Variants in SIPA1L1 observed in about 807,000 individuals in gnomAD.
The protein encoded by SIPA1L1 is signal-induced proliferation-associated 1-like protein 1.
A neutral mutation model predicts 162.7 loss-of-function variants in SIPA1L1; 26 were observed. The ratio of observed to expected loss-of-function variants is 0.16; its 90% CI spans 0.12 to 0.22. SIPA1L1 has a LOEUF of 0.22. SIPA1L1 is among the 10% of genes least tolerant of loss of function. SIPA1L1 has a pLI of 1.00. For synonymous variants in SIPA1L1, 829 were observed against 837.4 expected, an observed-to-expected ratio of 0.99 and a Z score of 0.17; for missense variants, 1,874 against 2,241.0, an observed-to-expected ratio of 0.84 and a Z score of 3.31.
chr14:71,396,888 G>T (rs1227247167), intron 2 of SIPA1L1, among the ~76,000 whole-genome samples: 1 of 152,182 alleles, frequency 6.6e-6, no homozygotes, highest in East Asian at 1.9e-4. Context: ...TCATTATGGA[G>T]AATCTTGAGT....
chr14:71,608,411 A>C (rs899634968), intron 5 of SIPA1L1, among the ~76,000 whole-genome samples: 1 of 152,162 alleles, frequency 6.6e-6, no homozygotes, highest in Non-Finnish European at 1.5e-5. Context: ...CTTTAAATAT[A>C]AGGAAATTCA....
intron 4 of SIPA1L1, among the ~76,000 whole-genome samples, chr14:71,556,290 C>G (rs946935537): frequency 6.6e-6 from 1 of 152,224 alleles, no homozygotes; most frequent in Non-Finnish European, 1.5e-5. Flanking sequence ...CCATGACAAT[C>G]ATCAACACAG....
intron 14 of SIPA1L1, among the ~76,000 whole-genome samples, chr14:71,701,233 G>A (rs1171873536): frequency 6.6e-6 from 1 of 151,912 alleles, no homozygotes; most frequent in East Asian, 1.9e-4. Context: ...CTGCCTTTCT[G>A]TGCACCACTT....
intron 3 of SIPA1L1, among the ~76,000 whole-genome samples, chr14:71,515,152 C>A (rs1026233133): frequency 6.6e-6 from 1 of 152,130 alleles, no homozygotes; most frequent in African/African-American, 2.4e-5. Context: ...TCATAAAGAA[C>A]CTGATTATTT....
At chr14:71,516,859 G>C (rs918401658) in intron 3 of SIPA1L1, among the ~76,000 whole-genome samples, 7 of 152,232 alleles carry the variant, frequency 4.6e-5, no homozygotes, top group African/African-American at 1.4e-4. Context: ...TGTAATCCCA[G>C]CTACTCAGGA....
At chr14:71,658,192 A>AT in intron 8 of SIPA1L1, 141 bp from the exon 9 acceptor site, 1 of 582,874 alleles carries the variant, frequency 1.7e-6, no homozygotes, top group Non-Finnish European at 3.0e-6. Flanking sequence ...AAAAAAAAAA[A>AT]GGAAGAACAC....
intron 2 of SIPA1L1, among the ~76,000 whole-genome samples, chr14:71,450,676 G>C (rs971794674): frequency 2.7e-5 from 4 of 150,924 alleles, no homozygotes; most frequent in African/African-American, 9.8e-5. Flanking sequence ...TAGAATGGCT[G>C]TTATTAAAAC....
At chr14:71,344,559 G>C (rs964893063) in intron 2 of SIPA1L1, among the ~76,000 whole-genome samples, 2 of 152,106 alleles carry the variant, frequency 1.3e-5, no homozygotes, top group African/African-American at 2.4e-5. Flanking sequence ...CTGTCTGTCT[G>C]TCTGTCTGTC....
At chr14:71,532,160 G>C (rs1161427846) in intron 4 of SIPA1L1, among the ~76,000 whole-genome samples, 1 of 151,932 alleles carries the variant, frequency 6.6e-6, no homozygotes, top group Non-Finnish European at 1.5e-5. Context: ...TGTTGAAATT[G>C]TTTGAAGATC....
intron 4 of SIPA1L1, among the ~76,000 whole-genome samples, chr14:71,536,503 G>T (rs2053918816): frequency 6.6e-6 from 1 of 152,198 alleles, no homozygotes; most frequent in Non-Finnish European, 1.5e-5. Flanking sequence ...TTGTTTTAAA[G>T]GAAGTCTGCA....
At chr14:71,683,479 G>T (rs753200687) in intron 12 of SIPA1L1, among the ~76,000 whole-genome samples, 1 of 152,148 alleles carries the variant, frequency 6.6e-6, no homozygotes. Context: ...TTGGTAAAAT[G>T]TAATATTTTT....
intron 2 of SIPA1L1, among the ~76,000 whole-genome samples, chr14:71,327,965 T>C (rs149723641): frequency 1.3e-5 from 2 of 152,334 alleles, no homozygotes; most frequent in African/African-American, 4.8e-5. Context: ...TTGTGAAACA[T>C]GTTAGGAAGC....
chr14:71,379,293 C>CT (rs1489820680), intron 2 of SIPA1L1, among the ~76,000 whole-genome samples: 1 of 150,256 alleles, frequency 6.7e-6, no homozygotes, highest in Non-Finnish European at 1.5e-5. Context: ...TTAAGACTTT[C>CT]TTTCTTTCTT....
At chr14:71,669,191 T>C (rs1014160602) in intron 10 of SIPA1L1, among the ~76,000 whole-genome samples, 3 of 152,352 alleles carry the variant, frequency 2.0e-5, no homozygotes, top group Admixed American at 1.3e-4. Flanking sequence ...CAGTGAATCA[T>C]TGAAAATTAT....
At chr14:71,448,940 A>G (rs2045613153) in intron 2 of SIPA1L1, 1 of 152,378 alleles carries the variant, frequency 6.6e-6, no homozygotes, top group Non-Finnish European at 1.5e-5. Context: ...CCTGGGCAAC[A>G]TAGCAGGACC....
At chr14:71,361,020 T>TA (rs1483644322) in intron 2 of SIPA1L1, among the ~76,000 whole-genome samples, 5 of 151,456 alleles carry the variant, frequency 3.3e-5, no homozygotes, top group South Asian at 4.2e-4. Flanking sequence ...TTTATATATA[T>TA]TTTTTTTTCC....
chr14:71,385,483 C>T (rs1243015872), intron 2 of SIPA1L1, among the ~76,000 whole-genome samples: 1 of 152,036 alleles, frequency 6.6e-6, no homozygotes, highest in African/African-American at 2.4e-5. Flanking sequence ...CTAATAAAAC[C>T]TCTATTGAAT....
At chr14:71,359,869 A>G (rs1594997470) in intron 2 of SIPA1L1, among the ~76,000 whole-genome samples, 1 of 152,248 alleles carries the variant, frequency 6.6e-6, no homozygotes, top group African/African-American at 2.4e-5. Context: ...AGAGTACTAA[A>G]TGATAAAAAT....
At chr14:71,354,789 A>G (rs560091528) in intron 2 of SIPA1L1, among the ~76,000 whole-genome samples, 39 of 152,336 alleles carry the variant, frequency 2.6e-4, no homozygotes, top group African/African-American at 8.4e-4. Flanking sequence ...AGGGAAGAAT[A>G]TAGTTTATGT....
Sources: gnomAD v4.1 joint callset for allele counts (sites outside exome capture counted in the v4.1 genomes callset) on GRCh38, gnomAD v4.1.1 for gene constraint, MANE v1.5 for transcripts, NCBI Gene and HGNC (gene_info 2026-07-23, HGNC 2026-07-21) for gene names.